The following PA2G4 variants were observed in gnomAD, a reference collection of about 807,000 sequenced individuals.
PA2G4 encodes proliferation-associated 2G4, also known as proliferation-associated protein 2G4.
PA2G4 carries 8 observed loss-of-function variants against 53.3 expected under a neutral mutation model. The ratio of observed to expected loss-of-function variants is 0.15; its 90% CI spans 0.09 to 0.27. The LOEUF (loss-of-function observed/expected upper bound fraction) is 0.27, where lower values mean the gene tolerates loss of function less well. PA2G4 is among the 10% of genes least tolerant of loss of function. PA2G4 has a pLI of 1.00. For missense variants in PA2G4, 208 were observed against 486.8 expected (o/e 0.43, Z 5.39); for synonymous variants, 143 against 169.8 (o/e 0.84, Z 1.23).
chr12:56,113,619 A>G lies in PA2G4; in HGVS notation c.*731A>G, dbSNP rs1449223151. ...GGTCTTTCCTCGCTCCATCTTACAC[A>G]GACCTGAGCTGGAAGCTCAACTGGT... On this transcript the variant is annotated 3_prime_UTR_variant, in exon 13 of 13. Coordinates refer to ENST00000303305, the MANE Select transcript of PA2G4 (RefSeq NM_006191.3). 2 of 564,904 alleles carry G rather than the reference A, an allele frequency of 3.5e-6. No individual in the cohort carries two copies. The highest frequency in any genetic ancestry group is 6.2e-6 in the Non-Finnish European group (2 of 321,618). The allele number at this position is 564,904 out of a possible 1,614,324, so 35.0% of individuals were successfully genotyped here. A position where few individuals can be genotyped will look rare whatever the true frequency, so the allele number is the denominator to read the frequency against.
chr12:56,106,426 CACAT>C (rs1220299355), intron 1 of PA2G4, 158 bp from the exon 2 acceptor site: 2 of 715,246 alleles, frequency 2.8e-6, no homozygotes, highest in African/African-American at 3.6e-5. Flanking sequence ...ACCCAGTTGT[CACAT>C]AATGTAAGGA....
At chr12:56,110,720 C>G (rs199800707) in intron 9 of PA2G4, 28 bp downstream of exon 9, 746 of 1,613,112 alleles carry the variant, frequency 4.6e-4, no homozygotes, top group Non-Finnish European at 4.8e-4. Context: ...TACTTGGAAC[C>G]AGTCTGACTC....
chr12:56,113,604 C>T lies in PA2G4; in HGVS notation c.*716C>T, dbSNP rs779051320. On this transcript the variant is annotated 3_prime_UTR_variant, in exon 13 of 13. Transcript: ENST00000303305. ...CTCTGGAGTCAGTGGGGTCTTTCCT[C>T]GCTCCATCTTACACAGACCTGAGCT... is the stretch of plus-strand genomic sequence containing the variant. 6.3e-6 allele frequency: 3 copies of T among 479,644 alleles called. No homozygotes were observed. The highest frequency in any genetic ancestry group is 2.0e-5 in the African/African-American group (1 of 50,998). 29.7% of individuals were successfully genotyped at this position (479,644 alleles called of 1,614,324 possible).
chr12:56,112,926 A>G lies in PA2G4; in HGVS notation c.*38A>G, dbSNP rs1384477038. The G allele has an allele frequency of 3.0e-6, 4 of 1,353,444 alleles. No individual in the cohort carries two copies. The highest frequency in any genetic ancestry group is 2.6e-5 in the East Asian group (1 of 38,570). The allele number at this position is 1,353,444 out of a possible 1,614,324, so 83.8% of individuals were successfully genotyped here. ...CTCCCCAGCTTGCTGCTCCTGCCTC[A>G]TCCCCTTCCCACCAAACCCCAGACT... On this transcript the variant is annotated 3_prime_UTR_variant, in exon 13 of 13. Coordinates refer to ENST00000303305, the MANE Select transcript of PA2G4 (RefSeq NM_006191.3).
At chr12:56,105,750 C>T (rs1394176738) in intron 1 of PA2G4, among the ~76,000 whole-genome samples, 1 of 152,242 alleles carries the variant, frequency 6.6e-6, no homozygotes, top group Non-Finnish European at 1.5e-5. Context: ...TTTCTCTTTT[C>T]TCTCTTTCCA....
In PA2G4 at chr12:56,109,241, G is replaced by A. The variant is rs1869366675; in HGVS notation, c.498G>A (p.Val166=). The A allele has an allele frequency of 6.2e-7, 1 of 1,610,796 alleles. No homozygotes were observed. The highest frequency in any genetic ancestry group is 1.3e-5 in the African/African-American group (1 of 74,814). ...TGTTGTACTTCTAGAACACACAAGT[G>A]ACAGAAGCCTGGAACAAAGTTGCCC... is the stretch of plus-strand genomic sequence containing the variant. ...LVKPGNQNTQ[V]TEAWNKVAHS... The change falls in exon 6 of 13, where the codon GTG becomes GTA. Residue 166 remains valine (V), a synonymous_variant. Transcript: ENST00000303305.
rs1869474483 is a variant in PA2G4, at chr12:56,113,436, G to T, written c.*548G>T. On this transcript the variant is annotated 3_prime_UTR_variant, in exon 13 of 13. Coordinates refer to ENST00000303305, the MANE Select transcript of PA2G4 (RefSeq NM_006191.3). ...TTCCTCATCTGATTCAGGCTGTCCA[G>T]TCAGGCCCCTCCCATTTTAGGAGCT... 1 of 190,424 alleles carries T rather than the reference G, an allele frequency of 5.3e-6. No individual in the cohort carries two copies. Among genetic ancestry groups the T allele is most frequent in the Admixed American group, 5.7e-5 (1 of 17,638 alleles). 11.8% of individuals were successfully genotyped at this position (190,424 alleles called of 1,614,324 possible). A position where few individuals can be genotyped will look rare whatever the true frequency, so the allele number is the denominator to read the frequency against.
Position 56,113,862 on chromosome 12 carries a change from C to T in PA2G4, c.*974C>T. The T allele has an allele frequency of 1.4e-6, 1 of 702,228 alleles. No individual in the cohort carries two copies. The highest frequency in any genetic ancestry group is 2.6e-6 in the Non-Finnish European group (1 of 384,808). The allele number at this position is 702,228 out of a possible 1,614,324, so 43.5% of individuals were successfully genotyped here. ...CACTAACTTATGAGGTTTTTAAACA[C>T]ATTGAAAATGACATGACATTAAAAT... On this transcript the variant is annotated 3_prime_UTR_variant, in exon 13 of 13. Coordinates refer to ENST00000303305, the MANE Select transcript of PA2G4 (RefSeq NM_006191.3).
chr12:56,104,876 C>T (rs1386755288), intron 1 of PA2G4, 51 bp downstream of exon 1: 2 of 1,490,540 alleles, frequency 1.3e-6, no homozygotes, highest in Non-Finnish European at 9.3e-7. Flanking sequence ...GGAAAGGTAA[C>T]AGGCTGGCCC....
intron 12 of PA2G4, 86 bp downstream of exon 12, chr12:56,111,615 T>C: frequency 8.5e-7 from 1 of 1,175,078 alleles, no homozygotes; most frequent in Non-Finnish European, 1.3e-6. Flanking sequence ...GAAATACGGA[T>C]TTTTATACAG....
Position 56,113,573 on chromosome 12 carries a change from CT to C in PA2G4, c.*690del. Reference sequence around the variant, plus strand: ...AGAAATAATCCATCTCAACCTTACCCTTTTTCTCTGGAGTCAGTGGGGTCTT... The same window carrying C: ...AGAAATAATCCATCTCAACCTTACCCTTTTCTCTGGAGTCAGTGGGGTCTT... On this transcript the variant is annotated 3_prime_UTR_variant, in exon 13 of 13. Transcript: ENST00000303305. The C allele has an allele frequency of 7.0e-6, 3 of 429,636 alleles. No homozygotes were observed. Among genetic ancestry groups the C allele is most frequent in the Non-Finnish European group, 1.2e-5 (3 of 243,646 alleles). The allele number at this position is 429,636 out of a possible 1,614,324, so 26.6% of individuals were successfully genotyped here.
In PA2G4 at chr12:56,106,546, A is replaced by G. The variant is rs1869306339; in HGVS notation, c.89-42A>G. 2.7e-6 allele frequency: 4 copies of G among 1,485,596 alleles called. No homozygotes were observed. The East Asian group carries it at 9.9e-5, about 37-fold the overall frequency. The allele number at this position is 1,485,596 out of a possible 1,614,324, so 92.0% of individuals were successfully genotyped here. On this transcript the variant is annotated intron_variant, in intron 1 of 12. Transcript: ENST00000303305. ...GTATTCCTTGGGTGGTAACTAGACA[A>G]TGAATACATACAAGGCTGACATGAT... is the stretch of plus-strand genomic sequence containing the variant.
In PA2G4 at chr12:56,111,111, C is replaced by T. The variant is rs374073018; in HGVS notation, c.937+53C>T. On this transcript the variant is annotated intron_variant, in intron 10 of 12. Transcript: ENST00000303305. ...GATTCCCTGATTATAAGATATCCTT[C>T]CTGTAAGTTCAGAAGAGCTAAGTAT... The T allele has an allele frequency of 3.1e-6, 5 of 1,612,058 alleles. No individual in the cohort carries two copies. The African/African-American group carries it at 5.3e-5, about 17-fold the overall frequency.
At chr12:56,107,673 A>G (rs1869329741) in intron 5 of PA2G4, 60 bp downstream of exon 5, 1 of 1,123,966 alleles carries the variant, frequency 8.9e-7, no homozygotes, top group African/African-American at 1.5e-5. Context: ...AGGCACCTAT[A>G]GCTACTCTAT....
At chr12:56,105,501 G>C (rs1869281511) in intron 1 of PA2G4, among the ~76,000 whole-genome samples, 2 of 152,196 alleles carry the variant, frequency 1.3e-5, no homozygotes, top group Non-Finnish European at 2.9e-5. Flanking sequence ...TTTTCTTGAA[G>C]TTACTCATTA....
chr12:56,112,770 C>T (rs1292739304), intron 12 of PA2G4, 53 bp from the exon 13 acceptor site: 6 of 1,222,318 alleles, frequency 4.9e-6, no homozygotes, highest in East Asian at 2.5e-5. Context: ...CCCAGACATC[C>T]CCAAGTAGTT....
intron 5 of PA2G4, 34 bp from the exon 6 acceptor site, chr12:56,109,196 A>T: frequency 6.8e-7 from 1 of 1,463,308 alleles, no homozygotes; most frequent in Non-Finnish European, 9.6e-7. Flanking sequence ...TTAGCTCCTG[A>T]TATCTCACCT....
chr12:56,106,134 T>C (rs1213613524), intron 1 of PA2G4: 1 of 152,612 alleles, frequency 6.6e-6, no homozygotes, highest in Non-Finnish European at 1.5e-5. Flanking sequence ...CCTTGGCTTA[T>C]GCACTTGTTT....
chr12:56,111,472 C>G lies in PA2G4; in HGVS notation c.1066-4C>G, dbSNP rs375659725. 5.1e-5 allele frequency: 83 copies of G among 1,613,318 alleles called. No individual in the cohort carries two copies. The highest frequency in any genetic ancestry group is 5.0e-4 in the Admixed American group (30 of 59,892). ...AATTTTTTTCCCTTCTTCCTGTTTT[C>G]CAGGCCCTCCTCCAGAGTTCTGCAA... On this transcript the variant is annotated splice_region_variant and splice_polypyrimidine_tract_variant and intron_variant, in intron 11 of 12. Transcript: ENST00000303305.
Sources: gnomAD v4.1 joint callset for allele counts (sites outside exome capture counted in the v4.1 genomes callset) on GRCh38, gnomAD v4.1.1 for gene constraint, MANE v1.5 for transcripts, NCBI Gene and HGNC (gene_info 2026-07-23, HGNC 2026-07-21) for gene names.